SEC23A: variants seen among roughly 807,000 people sequenced by gnomAD.
SEC23A encodes the protein protein transport protein Sec23A.
SEC23A carries 56 observed loss-of-function variants against 103.7 expected under a neutral mutation model. That is an observed-to-expected ratio of 0.54 (90% CI 0.44 to 0.67). The LOEUF is 0.67. SEC23A is among the 30% of genes least tolerant of loss of function. The pLI is 0.00. For synonymous variants in SEC23A, 281 were observed against 293.0 expected, an observed-to-expected ratio of 0.96 and a Z score of 0.42; for missense variants, 784 against 936.4, an observed-to-expected ratio of 0.84 and a Z score of 2.12.
At chr14:39,072,645 C>CA (rs35788498) in intron 9 of SEC23A, among the ~76,000 whole-genome samples, 40 of 150,548 alleles carry the variant, frequency 2.7e-4, no homozygotes, top group Admixed American at 2.1e-3. Flanking sequence ...CTCGTCTCCA[C>CA]AAAAAAAAAG....
intron 7 of SEC23A, among the ~76,000 whole-genome samples, chr14:39,084,593 T>C (rs1353045221): frequency 6.6e-6 from 1 of 152,212 alleles, no homozygotes; most frequent in Non-Finnish European, 1.5e-5. Flanking sequence ...ACTGTGAATA[T>C]ATTTTTTTCC....
At position 39,091,507 on chromosome 14, in the gene SEC23A, T is replaced by C. The variant is rs971998075; in HGVS notation, c.573A>G (p.Gly191=). ...GTTGTTTGGCAGACAAATCTTTTGTTCCTCTGAAGACATAGCTTTTTGAAA... is the reference window on the plus strand; with the variant it reads ...GTTGTTTGGCAGACAAATCTTTTGTCCCTCTGAAGACATAGCTTTTTGAAA... The part of the protein sequence containing the change: ...EGISKSYVFR[G]TKDLSAKQLQ... Residue 191 remains glycine (G), a synonymous_variant, in exon 5 of 20, where the codon GGA becomes GGG. Transcript: ENST00000307712. 1.2e-6 allele frequency: 2 copies of C among 1,613,890 alleles called. No homozygotes were observed. The highest frequency in any genetic ancestry group is 2.7e-5 in the African/African-American group (2 of 74,926).
At chr14:39,049,944 A>AT (rs1885997670) in intron 14 of SEC23A, among the ~76,000 whole-genome samples, 1 of 151,668 alleles carries the variant, frequency 6.6e-6, no homozygotes, top group Admixed American at 6.6e-5. Context: ...AATTTTTTGT[A>AT]TTTTTATTAG....
At chr14:39,046,333 T>C (rs916820257) in intron 15 of SEC23A, among the ~76,000 whole-genome samples, 3 of 152,002 alleles carry the variant, frequency 2.0e-5, no homozygotes, top group Admixed American at 2.0e-4. Flanking sequence ...ATTAGCCGGG[T>C]ATGGTCGCAT....
chr14:39,099,056 G>C (rs1887990940), intron 1 of SEC23A, among the ~76,000 whole-genome samples: 1 of 150,820 alleles, frequency 6.6e-6, no homozygotes, highest in Non-Finnish European at 1.5e-5. Context: ...TCTCAAAAAT[G>C]TATGAAGTAA....
intron 1 of SEC23A, among the ~76,000 whole-genome samples, chr14:39,101,957 C>T (rs1383704769): frequency 6.6e-6 from 1 of 152,154 alleles, no homozygotes; most frequent in Admixed American, 6.5e-5. Context: ...TCTGGCCGGG[C>T]GCAGTGGCTC....
chr14:39,094,395 CACATATATATATATATAT>C (rs1456880977), intron 2 of SEC23A, among the ~76,000 whole-genome samples: 121 of 11,110 alleles, frequency 0.011, 13 homozygotes, highest in Non-Finnish European at 0.021. Context: ...CACACACACA[CACATATATATATATATAT>C]ATATATATAT....
chr14:39,064,411 G>A (rs1009132445), intron 11 of SEC23A: 1 of 154,246 alleles, frequency 6.5e-6, no homozygotes, highest in Non-Finnish European at 1.4e-5. Flanking sequence ...TGAAAATTCT[G>A]GTATCAAAAA....
chr14:39,094,020 A>G (rs1887753888), intron 2 of SEC23A, among the ~76,000 whole-genome samples: 1 of 151,514 alleles, frequency 6.6e-6, no homozygotes, highest in African/African-American at 2.4e-5. Context: ...AAACAAGAAA[A>G]TACTTTTGGT....
At chr14:39,054,656 AG>A (rs1244136380) in intron 14 of SEC23A, among the ~76,000 whole-genome samples, 3 of 151,838 alleles carry the variant, frequency 2.0e-5, no homozygotes, top group Non-Finnish European at 2.9e-5. Flanking sequence ...TTGGAGAGAC[AG>A]GGGTTTCGCC....
chr14:39,068,821 C>G (rs1886755912), intron 9 of SEC23A, among the ~76,000 whole-genome samples: 1 of 152,072 alleles, frequency 6.6e-6, no homozygotes, highest in Non-Finnish European at 1.5e-5. Context: ...TGTGTTATAA[C>G]TAATTGACCA....
intron 11 of SEC23A, among the ~76,000 whole-genome samples, chr14:39,064,333 TC>T (rs1886584344): frequency 1.3e-5 from 2 of 152,332 alleles, no homozygotes; most frequent in South Asian, 4.1e-4. Flanking sequence ...ACGTTATACT[TC>T]CATTAAATTG....
At chr14:39,063,793 G>A (rs1408710220) in intron 11 of SEC23A, among the ~76,000 whole-genome samples, 2 of 151,912 alleles carry the variant, frequency 1.3e-5, no homozygotes, top group African/African-American at 4.8e-5. Flanking sequence ...TCAGGAGATG[G>A]AGACCATCCT....
chr14:39,077,309 C>A (rs1325410138), intron 7 of SEC23A, among the ~76,000 whole-genome samples: 2 of 149,428 alleles, frequency 1.3e-5, no homozygotes, highest in South Asian at 2.1e-4. Context: ...TTTCAGAGGC[C>A]GAAGCGGGTG....
intron 9 of SEC23A, among the ~76,000 whole-genome samples, chr14:39,069,857 G>A (rs1206845929): frequency 6.6e-6 from 1 of 152,062 alleles, no homozygotes; most frequent in African/African-American, 2.4e-5. Context: ...TTACATCTTT[G>A]CTAAAATATC....
intron 11 of SEC23A, among the ~76,000 whole-genome samples, chr14:39,063,845 A>T (rs978344196): frequency 1.3e-5 from 2 of 151,644 alleles, no homozygotes; most frequent in Non-Finnish European, 2.9e-5. Context: ...AAACACAAAA[A>T]ATCAGCCAGG....
intron 14 of SEC23A, among the ~76,000 whole-genome samples, chr14:39,050,076 T>C (rs1886005434): frequency 6.6e-6 from 1 of 152,046 alleles, no homozygotes; most frequent in Admixed American, 6.6e-5. Context: ...CCAAAAACAA[T>C]TTTTTGAACA....
rs1886940697 is a variant in SEC23A at position 39,074,416 on chromosome 14, C to T, written c.1102G>A (p.Gly368Arg). 6.3e-7 allele frequency: 1 copy of T among 1,576,996 alleles called. No individual in the cohort carries two copies. The highest frequency in any genetic ancestry group is 8.7e-7 in the Non-Finnish European group (1 of 1,146,646). ...AACTGTAAAAATTTAAATACATACC[C>T]AGTAAGGTTGGGACAGCATTTCATC... ...LEMKCCPNLT[G>R]GYMVMGDSFN... Residue 368 changes from glycine to arginine, a missense_variant and splice_region_variant, in exon 9 of 20, where the codon GGA becomes AGA. Transcript: ENST00000307712.
At chr14:39,089,562 T>C (rs1310554497) in intron 5 of SEC23A, among the ~76,000 whole-genome samples, 1 of 152,206 alleles carries the variant, frequency 6.6e-6, no homozygotes, top group African/African-American at 2.4e-5. Context: ...CTTTAGTCTC[T>C]TTCCTTTCTC....
Sources: gnomAD v4.1 joint callset for allele counts (sites outside exome capture counted in the v4.1 genomes callset) on GRCh38, gnomAD v4.1.1 for gene constraint, MANE v1.5 for transcripts, NCBI Gene and HGNC (gene_info 2026-07-23, HGNC 2026-07-21) for gene names.